DYRK1A: variants seen among roughly 807,000 people sequenced by gnomAD.
DYRK1A encodes the protein dual specificity tyrosine phosphorylation regulated kinase 1A, also known as dual specificity tyrosine-phosphorylation-regulated kinase 1A.
DYRK1A carries 9 observed loss-of-function variants against 79.7 expected under a neutral mutation model. The ratio of observed to expected loss-of-function variants is 0.11; its 90% CI spans 0.07 to 0.20. The LOEUF (loss-of-function observed/expected upper bound fraction) is 0.20, where lower values mean the gene tolerates loss of function less well. Ranked by LOEUF, DYRK1A falls within the 10% of genes least tolerant of loss-of-function variation. DYRK1A has a pLI of 1.00. For synonymous variants in DYRK1A, 349 were observed against 329.7 expected (o/e 1.06, Z -0.63); for missense variants, 622 against 956.0 (o/e 0.65, Z 4.61).
At chr21:37,457,295 C>CG (rs2051684009) in intron 2 of DYRK1A, among the ~76,000 whole-genome samples, 1 of 152,124 alleles carries the variant, frequency 6.6e-6, no homozygotes, top group South Asian at 2.1e-4. Context: ...TGCAGGGGCA[C>CG]GGACTCGGCT....
chr21:37,396,961 A>C (rs940292866), intron 1 of DYRK1A, among the ~76,000 whole-genome samples: 1 of 152,192 alleles, frequency 6.6e-6, no homozygotes, highest in African/African-American at 2.4e-5. Flanking sequence ...ATCTGGAGTC[A>C]TGCATTTTTT....
chr21:37,371,921 G>A (rs1403037927), intron 1 of DYRK1A, among the ~76,000 whole-genome samples: 1 of 151,994 alleles, frequency 6.6e-6, no homozygotes, highest in African/African-American at 2.4e-5. Context: ...CCAATGACAA[G>A]ATTTGATTTT....
intron 10 of DYRK1A, 138 bp downstream of exon 10, chr21:37,505,727 A>C (rs967290168): frequency 2.1e-6 from 2 of 961,466 alleles, no homozygotes; most frequent in Non-Finnish European, 3.0e-6. Context: ...CTTTGTAGTT[A>C]GTAGTAAATT....
chr21:37,463,215 T>TGTGTGTGC (rs936484596), intron 2 of DYRK1A, among the ~76,000 whole-genome samples: 4 of 150,174 alleles, frequency 2.7e-5, no homozygotes, highest in African/African-American at 9.9e-5. Flanking sequence ...TGTGTGTGTG[T>TGTGTGTGC]GTGTGTGTGT....
At chr21:37,488,661 A>G in intron 6 of DYRK1A, 1 of 985,410 alleles carries the variant, frequency 1.0e-6, no homozygotes, top group Non-Finnish European at 1.2e-6. Flanking sequence ...AGCACACTGT[A>G]GATACTAAGT....
At chr21:37,472,904 T>C (rs776874582) in intron 3 of DYRK1A, 24 bp downstream of exon 3, 4 of 1,458,756 alleles carry the variant, frequency 2.7e-6, no homozygotes, top group African/African-American at 2.8e-5. Flanking sequence ...GTATCAGAAA[T>C]GACTATTGGA....
chr21:37,485,876 A>G (rs1158931016), intron 5 of DYRK1A, among the ~76,000 whole-genome samples: 15 of 152,040 alleles, frequency 9.9e-5, no homozygotes, highest in Admixed American at 5.2e-4. Flanking sequence ...TAATCCCCCA[A>G]TTATGGCGTT....
intron 8 of DYRK1A, 163 bp from the exon 9 acceptor site, chr21:37,495,955 A>AG: frequency 1.7e-6 from 1 of 587,492 alleles, no homozygotes; most frequent in Non-Finnish European, 2.9e-6. Flanking sequence ...GACTCAAGGA[A>AG]GGTAGGGCCT....
At position 37,454,071 on chromosome 21, in the gene DYRK1A, T is replaced by G. The variant is rs1402600533; in HGVS notation, c.11-18613T>G. 6.1e-5 allele frequency among the ~76,000 whole-genome samples: 9 copies of G among 148,726 alleles called. No homozygotes were observed. In the East Asian group the frequency reaches 7.9e-4, roughly 13 times the overall value. On this transcript the variant is annotated intron_variant, in intron 2 of 11. Transcript: ENST00000647188. ...ATCTCCTACATTGTCTTTCATATTA[T>G]GAGATGTAGTCTCCTTTTTTTTTTT...
chr21:37,458,224 G>A (rs2051717800), intron 2 of DYRK1A, among the ~76,000 whole-genome samples: 1 of 151,034 alleles, frequency 6.6e-6, no homozygotes, highest in Non-Finnish European at 1.5e-5. Context: ...GCTAGACAAA[G>A]TTATGGTCAA....
At chr21:37,432,211 G>A (rs2050795045) in intron 2 of DYRK1A, among the ~76,000 whole-genome samples, 1 of 152,020 alleles carries the variant, frequency 6.6e-6, no homozygotes, top group African/African-American at 2.4e-5. Context: ...GGGAAAGGGA[G>A]GGAGGAAGAG....
chr21:37,450,250 G>C (rs2051402958), intron 2 of DYRK1A, among the ~76,000 whole-genome samples: 1 of 152,148 alleles, frequency 6.6e-6, no homozygotes, highest in South Asian at 2.1e-4. Context: ...TTTTATACTT[G>C]GTGGCATGGC....
At chr21:37,371,312 T>C (rs1003053182) in intron 1 of DYRK1A, among the ~76,000 whole-genome samples, 11 of 152,154 alleles carry the variant, frequency 7.2e-5, no homozygotes, top group Admixed American at 2.6e-4. Flanking sequence ...TAATACTGGC[T>C]ACCAGCAGCC....
intron 5 of DYRK1A, among the ~76,000 whole-genome samples, chr21:37,485,174 A>C (rs1219289814): frequency 6.6e-6 from 1 of 152,180 alleles, no homozygotes; most frequent in Non-Finnish European, 1.5e-5. Context: ...ATGGTCAAAA[A>C]CTGGCAGTTA....
At chr21:37,444,028 T>G (rs2835747) in intron 2 of DYRK1A, among the ~76,000 whole-genome samples, 40,925 of 152,060 alleles carry the variant, frequency 0.27, 6,701 homozygotes, top group African/African-American at 0.45. Context: ...TATACTTCTG[T>G]GCTCTTAGGG....
In DYRK1A at chr21:37,506,218, C is replaced by A; in HGVS notation, c.1639C>A (p.Pro547Thr). ...VQAMDCETHS[P>T]QVRQQFPAPL... is the part of the protein sequence containing the mutation. ...GGCCATGGACTGCGAGACACACAGT[C>A]CCCAGGTGAGCTCGCACGTGGTTCA... is the stretch of plus-strand genomic sequence containing the variant. Residue 547 changes from proline (P) to threonine (T), a missense_variant, in exon 11 of 12, where the codon CCC becomes ACC. Pro to Thr is a conservative substitution (Grantham distance 38, BLOSUM62 -1). Coordinates refer to ENST00000647188, the MANE Select transcript of DYRK1A (RefSeq NM_001347721.2). The A allele has an allele frequency of 6.2e-7, 1 of 1,614,062 alleles. No individual in the cohort carries two copies. The highest frequency in any genetic ancestry group is 8.5e-7 in the Non-Finnish European group (1 of 1,180,006).
rs561860254 is a variant in DYRK1A, at chr21:37,414,130, AT to A, written c.-76-6165del. The stretch of plus-strand genomic sequence containing the variant: ...CCAACACCAAATTTTGGGTGGTGGA[AT>A]TTTATTAGGTTGGTGCAAAGGTAAT... On this transcript the variant is annotated intron_variant, in intron 1 of 11. Transcript: ENST00000647188. Among the ~76,000 whole-genome samples, 23 of 152,200 alleles carry A rather than the reference AT, an allele frequency of 1.5e-4. No homozygotes were observed. The South Asian group carries it at 4.8e-3, about 32-fold the overall frequency.
chr21:37,477,188 C>G (rs1021616883), intron 3 of DYRK1A, among the ~76,000 whole-genome samples: 5 of 152,114 alleles, frequency 3.3e-5, no homozygotes, highest in African/African-American at 1.2e-4. Flanking sequence ...TCACTCTGCC[C>G]CTCCGATTGA....
At chr21:37,430,879 T>C (rs762102107) in intron 2 of DYRK1A, among the ~76,000 whole-genome samples, 2 of 152,170 alleles carry the variant, frequency 1.3e-5, no homozygotes, top group Non-Finnish European at 2.9e-5. Context: ...CGGAGGCTGA[T>C]CATGCGGCAG....
Sources: allele counts gnomAD v4.1 joint callset (sites outside exome capture counted in the v4.1 genomes callset), GRCh38; gene constraint gnomAD v4.1.1; transcripts MANE v1.5; gene names NCBI Gene and HGNC (gene_info 2026-07-23, HGNC 2026-07-21).